Variants in RMDN2 observed in about 807,000 individuals in gnomAD.
The protein encoded by RMDN2 is regulator of microtubule dynamics 2, also known as regulator of microtubule dynamics protein 2.
A neutral mutation model predicts 52.8 loss-of-function variants in RMDN2; 61 were observed. The ratio of observed to expected loss-of-function variants is 1.16; its 90% CI spans 0.94 to 1.43. The LOEUF (loss-of-function observed/expected upper bound fraction) is 1.43. Among genes scored for constraint, RMDN2 ranks in the 40% most tolerant of loss-of-function variants. The pLI, the probability that RMDN2 is intolerant of heterozygous loss-of-function variation, is 0.00. For missense variants in RMDN2, 592 were observed against 475.3 expected (o/e 1.25, Z -2.28); for synonymous variants, 180 against 153.1 (o/e 1.18, Z -1.30).
At chr2:37,950,451 C>G in intron 2 of RMDN2, 1 of 1,609,624 alleles carries the variant, frequency 6.2e-7, no homozygotes, top group Admixed American at 1.7e-5. Context: ...TGTGTTATTG[C>G]CATGTTAACT....
rs1670089136 is a variant in RMDN2, at chr2:37,960,608, G to T, written c.453-13432G>T. Among the ~76,000 whole-genome samples, 9 of 152,106 alleles carry T rather than the reference G, an allele frequency of 5.9e-5. No individual in the cohort carries two copies. The South Asian group carries it at 1.9e-3, about 32-fold the overall frequency. ...GACTCTTTATCCAATTTGCCAGTCTGTGTCTTTTAATTGGGGAATTTAGTC... is the reference window on the plus strand; with the variant it reads ...GACTCTTTATCCAATTTGCCAGTCTTTGTCTTTTAATTGGGGAATTTAGTC... On this transcript the variant is annotated intron_variant, in intron 2 of 10. Coordinates refer to ENST00000354545, the MANE Select transcript of RMDN2 (RefSeq NM_001170791.3).
At chr2:37,976,681 T>C (rs904412086) in intron 4 of RMDN2, among the ~76,000 whole-genome samples, 3 of 152,166 alleles carry the variant, frequency 2.0e-5, no homozygotes, top group African/African-American at 7.2e-5. Flanking sequence ...GCAGACCATA[T>C]ACAAAACAGA....
chr2:38,001,780 TGAAATG>T (rs927243676), intron 8 of RMDN2, among the ~76,000 whole-genome samples: 1 of 152,048 alleles, frequency 6.6e-6, no homozygotes, highest in African/African-American at 2.4e-5. Flanking sequence ...CTAGAAGACT[TGAAATG>T]GAAATGATTA....
At chr2:37,974,463 AC>A (rs146361986) in intron 3 of RMDN2, among the ~76,000 whole-genome samples, 18,951 of 151,372 alleles carry the variant, frequency 0.13, 1,358 homozygotes, top group Non-Finnish European at 0.16. Flanking sequence ...AGCTATAATT[AC>A]GCAGATTTAC....
chr2:37,941,567 C>T (rs780032079), intron 2 of RMDN2, among the ~76,000 whole-genome samples: 72 of 152,214 alleles, frequency 4.7e-4, no homozygotes, highest in Non-Finnish European at 8.7e-4. Context: ...CTGAGACTAC[C>T]GCCTGTCTTT....
intron 4 of RMDN2, among the ~76,000 whole-genome samples, chr2:37,977,438 C>G (rs1672641996): frequency 6.7e-6 from 1 of 148,720 alleles, no homozygotes; most frequent in Admixed American, 6.7e-5. Flanking sequence ...GCCCCCACCT[C>G]CCAGACGGGG....
At chr2:37,927,770 T>C (rs1327351997) in intron 1 of RMDN2, among the ~76,000 whole-genome samples, 4 of 152,238 alleles carry the variant, frequency 2.6e-5, no homozygotes, top group Non-Finnish European at 2.9e-5. Flanking sequence ...ACTTATTTTT[T>C]TGCAATAAGC....
In RMDN2 at chr2:38,017,538, T is replaced by C. The variant is rs1428616663; in HGVS notation, c.*299T>C. ...CTTTAAATAAAATATTTAAATCCAA[T>C]AAAATGAATTCTCATGAATATTTTA... On this transcript the variant is annotated 3_prime_UTR_variant, in exon 11 of 11. Coordinates refer to ENST00000354545, the MANE Select transcript of RMDN2 (RefSeq NM_001170791.3). The C allele has an allele frequency of 8.9e-7, 1 of 1,129,622 alleles. No individual in the cohort carries two copies. The allele number at this position is 1,129,622 out of a possible 1,614,324, so 70.0% of individuals were successfully genotyped here.
intron 2 of RMDN2, among the ~76,000 whole-genome samples, chr2:37,936,898 T>C (rs1667340665): frequency 6.6e-6 from 1 of 152,222 alleles, no homozygotes. Flanking sequence ...TCTAGTTTAA[T>C]TAGATCCCAT....
chr2:37,974,015 T>A (rs561828854), intron 2 of RMDN2, 25 bp from the exon 3 acceptor site: 26 of 1,573,686 alleles, frequency 1.7e-5, no homozygotes, highest in Non-Finnish European at 2.1e-5. Context: ...TTCAAAGGAG[T>A]TGATGATTAT....
chr2:37,969,163 G>A (rs1000350758), intron 2 of RMDN2, among the ~76,000 whole-genome samples: 79 of 151,394 alleles, frequency 5.2e-4, no homozygotes, highest in African/African-American at 1.8e-3. Context: ...TTATACTGCA[G>A]TTCTGATATT....
chr2:38,004,849 TC>T (rs1258722243), intron 10 of RMDN2, among the ~76,000 whole-genome samples: 1 of 144,596 alleles, frequency 6.9e-6, no homozygotes, highest in Non-Finnish European at 1.5e-5. Flanking sequence ...CCCTCCCCAC[TC>T]CCCCCACCCC....
intron 2 of RMDN2, among the ~76,000 whole-genome samples, chr2:37,931,122 G>A (rs567567014): frequency 3.8e-4 from 57 of 151,820 alleles, no homozygotes; most frequent in South Asian, 6.2e-4. Context: ...ACAACTTTTT[G>A]TTGTTGTTCA....
chr2:37,952,297 C>T (rs752870878), intron 2 of RMDN2: 1 of 1,140,352 alleles, frequency 8.8e-7, no homozygotes, highest in Non-Finnish European at 1.3e-6. Flanking sequence ...TCATAACTCC[C>T]CTTTCCTCAC....
intron 10 of RMDN2, among the ~76,000 whole-genome samples, chr2:38,057,161 C>T (rs1485931093): frequency 1.3e-5 from 2 of 152,148 alleles, no homozygotes; most frequent in Non-Finnish European, 2.9e-5. Context: ...CTAGTTGGTG[C>T]TGTGAGAAAT....
chr2:37,934,741 C>T (rs1176010550), intron 2 of RMDN2, among the ~76,000 whole-genome samples: 1 of 152,030 alleles, frequency 6.6e-6, no homozygotes, highest in African/African-American at 2.4e-5. Flanking sequence ...CTCTTAAGGT[C>T]ACTAGTTCAC....
chr2:38,014,889 A>G (rs1678532697), intron 10 of RMDN2, among the ~76,000 whole-genome samples: 1 of 152,240 alleles, frequency 6.6e-6, no homozygotes, highest in African/African-American at 2.4e-5. Flanking sequence ...ATAAAATTTG[A>G]TGAGTGTTTT....
At position 37,973,721 on chromosome 2, in the gene RMDN2, G is replaced by A. The variant is rs74878056; in HGVS notation, c.453-319G>A. Among the ~76,000 whole-genome samples, 147 of 152,146 alleles carry A rather than the reference G, an allele frequency of 9.7e-4. 2 individuals are homozygous for A. The East Asian group carries it at 0.023, about 24-fold the overall frequency. Reference sequence around the variant, plus strand: ...TTATGTGGCTGTCTAAGGAAACGGCGTTTCATTAAAGGGAACAGCAAGTGG... The same window carrying A: ...TTATGTGGCTGTCTAAGGAAACGGCATTTCATTAAAGGGAACAGCAAGTGG... On this transcript the variant is annotated intron_variant, in intron 2 of 10. Coordinates refer to ENST00000354545, the MANE Select transcript of RMDN2 (RefSeq NM_001170791.3).
At chr2:38,032,900 T>C (rs1680312478) in intron 10 of RMDN2, 1 of 152,088 alleles carries the variant, frequency 6.6e-6, no homozygotes, top group South Asian at 2.1e-4. Context: ...TATTTTGGGT[T>C]GGGGGCAGGG....
Sources: gnomAD v4.1 joint callset for allele counts (sites outside exome capture counted in the v4.1 genomes callset) on GRCh38, gnomAD v4.1.1 for gene constraint, MANE v1.5 for transcripts, NCBI Gene and HGNC (gene_info 2026-07-23, HGNC 2026-07-21) for gene names.